DPP10: variants seen among roughly 807,000 people sequenced by gnomAD.
DPP10 encodes dipeptidyl peptidase like 10, also known as inactive dipeptidyl peptidase 10.
Under a neutral mutation model 120.9 loss-of-function variants are expected in DPP10, and 33 were observed. The observed-to-expected ratio is 0.27, with a 90% CI of 0.21 to 0.37. The LOEUF (loss-of-function observed/expected upper bound fraction) is 0.37. DPP10 is among the 10% of genes least tolerant of loss of function. The pLI, the probability that DPP10 is intolerant of heterozygous loss-of-function variation, is 1.00. For missense variants in DPP10, 816 were observed against 942.8 expected (o/e 0.87, Z 1.76); for synonymous variants, 337 against 326.1 (o/e 1.03, Z -0.36).
intron 1 of DPP10, chr2:115,162,183 A>T (rs766460352): frequency 6.5e-7 from 1 of 1,547,966 alleles, no homozygotes; most frequent in Non-Finnish European, 8.7e-7. Flanking sequence ...TTCTCCACGG[A>T]CTCTGCGGGA....
chr2:115,132,406 C>T (rs1025890494), intron 1 of DPP10, among the ~76,000 whole-genome samples: 4 of 152,138 alleles, frequency 2.6e-5, no homozygotes, highest in Admixed American at 2.6e-4. Context: ...TCTACTGATG[C>T]AAATTTCCCC....
chr2:115,071,679 T>TA (rs145997087), intron 1 of DPP10, among the ~76,000 whole-genome samples: 24,942 of 146,508 alleles, frequency 0.17, 2,291 homozygotes, highest in African/African-American at 0.27. Flanking sequence ...TATATTTATT[T>TA]AAAAAAAAAA....
chr2:115,687,651 C>T (rs1312269910), intron 5 of DPP10, among the ~76,000 whole-genome samples: 2 of 143,482 alleles, frequency 1.4e-5, no homozygotes, highest in Non-Finnish European at 3.2e-5. Flanking sequence ...ATATTGTTAT[C>T]AGGCTAAGAA....
In DPP10 at chr2:114,981,361, G is replaced by GA. The variant is rs891179006; in HGVS notation, c.61-327873dup. ...CCAATAAAAATAAGAAGATGTGTGTGAAAAATGTATCTTTTACCGAAAAAA... is the reference window on the plus strand; with the variant it reads ...CCAATAAAAATAAGAAGATGTGTGTGAAAAAATGTATCTTTTACCGAAAAAA... On this transcript the variant is annotated intron_variant, in intron 1 of 25. Transcript: ENST00000410059. Among the ~76,000 whole-genome samples, 58 of 151,814 alleles carry GA rather than the reference G, an allele frequency of 3.8e-4. No homozygotes were observed. In the South Asian group the frequency reaches 3.9e-3, roughly 10 times the overall value.
chr2:115,214,178 T>G (rs2056680347), intron 1 of DPP10, among the ~76,000 whole-genome samples: 1 of 152,112 alleles, frequency 6.6e-6, no homozygotes, highest in Admixed American at 6.6e-5. Flanking sequence ...TGAGAGCAGT[T>G]GTGGATGTGG....
chr2:114,452,130 T>C (rs1354409818), intron 1 of DPP10, among the ~76,000 whole-genome samples: 2 of 152,174 alleles, frequency 1.3e-5, no homozygotes, highest in African/African-American at 2.4e-5. Flanking sequence ...GAAAATAATA[T>C]ACTGACCATC....
chr2:114,892,430 A>T (rs868473895), intron 1 of DPP10, among the ~76,000 whole-genome samples: 16 of 152,214 alleles, frequency 1.1e-4, no homozygotes, highest in South Asian at 4.1e-4. Context: ...CTTTGCTCTT[A>T]AGTTCTAATG....
At chr2:115,830,065 A>AT (rs1688760852) in intron 21 of DPP10, among the ~76,000 whole-genome samples, 1 of 152,174 alleles carries the variant, frequency 6.6e-6, no homozygotes, top group Non-Finnish European at 1.5e-5. Context: ...CTTTAAAAAC[A>AT]TTAATCACAG....
intron 3 of DPP10, among the ~76,000 whole-genome samples, chr2:115,393,105 G>T (rs2067433041): frequency 6.6e-6 from 1 of 152,116 alleles, no homozygotes; most frequent in Non-Finnish European, 1.5e-5. Context: ...TTGAGGCCAG[G>T]AGTTTGAGAC....
At chr2:115,836,470 T>C (rs762358134) in intron 22 of DPP10, 37 bp from the exon 23 acceptor site, 3 of 1,592,718 alleles carry the variant, frequency 1.9e-6, no homozygotes, top group African/African-American at 1.4e-5. Context: ...AAATAGTTTT[T>C]AGTTTCTTCT....
chr2:115,589,911 T>A (rs2149166721), intron 5 of DPP10, among the ~76,000 whole-genome samples: 1 of 152,246 alleles, frequency 6.6e-6, no homozygotes, highest in African/African-American at 2.4e-5. Flanking sequence ...TACTTTCAGA[T>A]ACACATTTTT....
At chr2:115,824,258 A>C (rs949702674) in intron 21 of DPP10, among the ~76,000 whole-genome samples, 1 of 152,084 alleles carries the variant, frequency 6.6e-6, no homozygotes, top group Non-Finnish European at 1.5e-5. Context: ...TTTAATAAGG[A>C]GCTGGGATTT....
intron 5 of DPP10, among the ~76,000 whole-genome samples, chr2:115,551,258 G>A (rs185546596): frequency 1.1e-4 from 16 of 152,164 alleles, no homozygotes; most frequent in African/African-American, 3.6e-4. Flanking sequence ...AAAAGATTTG[G>A]CCAAAATGAA....
intron 3 of DPP10, among the ~76,000 whole-genome samples, chr2:115,379,849 G>C (rs2066155209): frequency 6.6e-6 from 1 of 152,142 alleles, no homozygotes; most frequent in South Asian, 2.1e-4. Flanking sequence ...CAGTTTCCAT[G>C]GAGTTGAGCG....
intron 1 of DPP10, among the ~76,000 whole-genome samples, chr2:115,282,798 A>AT (rs2060214009): frequency 6.6e-6 from 1 of 152,038 alleles, no homozygotes; most frequent in Non-Finnish European, 1.5e-5. Context: ...GGATTTTAAC[A>AT]TTTTTGTTTT....
At position 115,777,842 on chromosome 2, in the gene DPP10, G is replaced by T; in HGVS notation, c.1361+8G>T. 1.2e-6 allele frequency: 2 copies of T among 1,613,100 alleles called. No individual in the cohort carries two copies. Among genetic ancestry groups the T allele is most frequent in the Non-Finnish European group, 1.7e-6 (2 of 1,179,318 alleles). Reference sequence around the variant, plus strand: ...AGGAAGGCAGCTGTACAGGTAAGCAGTGTGCAAGGATCTCCTTACACAGAT... The same window carrying T: ...AGGAAGGCAGCTGTACAGGTAAGCATTGTGCAAGGATCTCCTTACACAGAT... On this transcript the variant is annotated splice_region_variant and intron_variant, in intron 15 of 25. Transcript: ENST00000410059.
chr2:115,505,904 A>G (rs1315929945), intron 4 of DPP10, among the ~76,000 whole-genome samples: 1 of 152,150 alleles, frequency 6.6e-6, no homozygotes, highest in East Asian at 1.9e-4. Context: ...TAATCATTCC[A>G]CATTGTGTAT....
chr2:115,377,909 T>C (rs2065943195), intron 3 of DPP10, among the ~76,000 whole-genome samples: 1 of 152,174 alleles, frequency 6.6e-6, no homozygotes, highest in South Asian at 2.1e-4. Flanking sequence ...TCCATTGGTC[T>C]ATATCTCTGT....
intron 1 of DPP10, among the ~76,000 whole-genome samples, chr2:115,207,748 G>T (rs951501959): frequency 3.3e-5 from 5 of 151,986 alleles, no homozygotes; most frequent in East Asian, 1.9e-4. Flanking sequence ...GTTTGTAACC[G>T]AATTGAATTT....
Sources: gnomAD v4.1 joint callset for allele counts (sites outside exome capture counted in the v4.1 genomes callset) on GRCh38, gnomAD v4.1.1 for gene constraint, MANE v1.5 for transcripts, NCBI Gene and HGNC (gene_info 2026-07-23, HGNC 2026-07-21) for gene names.